Variants in SPAG7 observed in about 807,000 individuals in gnomAD.
SPAG7 encodes sperm-associated antigen 7.
Under a neutral mutation model 30.6 loss-of-function variants are expected in SPAG7, and 20 were observed. The observed-to-expected ratio is 0.65, with a 90% CI of 0.46 to 0.95. The LOEUF (loss-of-function observed/expected upper bound fraction) is 0.95. Ranked by LOEUF, SPAG7 falls within the 40% of genes least tolerant of loss-of-function variation. The pLI, the probability that SPAG7 is intolerant of heterozygous loss-of-function variation, is 0.00. For missense variants in SPAG7, 276 were observed against 291.1 expected (o/e 0.95, Z 0.38); for synonymous variants, 127 against 104.2 (o/e 1.22, Z -1.33).
In SPAG7 at chr17:4,960,079, AG is replaced by A; in HGVS notation, c.359del (p.Ser120PhefsTer19). On this transcript the variant is annotated frameshift_variant, in exon 5 of 7. Coordinates refer to ENST00000206020, the MANE Select transcript of SPAG7 (RefSeq NM_004890.3). LOFTEE classifies it high-confidence loss of function. ...GGTCCCATTCCTCTCCACGACGGTA[AG>A]AGTCTAGCTCTTCATCTGAGGGTGC... The part of the protein sequence containing the change: ...EFAPSDEELD[S>X]YRRGEEWDPQ... The A allele has an allele frequency of 2.5e-6, 4 of 1,614,176 alleles. No homozygotes were observed. The highest frequency in any genetic ancestry group is 3.4e-6 in the Non-Finnish European group (4 of 1,179,982).
At chr17:4,965,040 G>C (rs1414633948) in intron 1 of SPAG7, among the ~76,000 whole-genome samples, 1 of 152,174 alleles carries the variant, frequency 6.6e-6, no homozygotes, top group Non-Finnish European at 1.5e-5. Context: ...CTCCCGAGTA[G>C]CTGGGATCAC....
intron 1 of SPAG7, among the ~76,000 whole-genome samples, chr17:4,961,118 C>T (rs1456737362): frequency 1.3e-5 from 2 of 152,282 alleles, no homozygotes; most frequent in East Asian, 3.9e-4. Context: ...TCTATACATA[C>T]ATGCCTATGA....
chr17:4,959,753 G>A lies in SPAG7; in HGVS notation c.574+7C>T, dbSNP rs1251326090. On this transcript the variant is annotated splice_region_variant and intron_variant, in intron 6 of 6. Coordinates refer to ENST00000206020, the MANE Select transcript of SPAG7 (RefSeq NM_004890.3). ...CCCAGCCACCCCCAGCCGCACTGTG[G>A]CCTCACCACAGCCGTAGGTCTTATT... 12 of 1,614,066 alleles carry A rather than the reference G, an allele frequency of 7.4e-6. No homozygotes were observed. The highest frequency in any genetic ancestry group is 1.0e-5 in the Non-Finnish European group (12 of 1,180,048).
intron 4 of SPAG7, 26 bp downstream of exon 4, chr17:4,960,208 G>A (rs773898825): frequency 4.3e-6 from 7 of 1,609,512 alleles, no homozygotes; most frequent in South Asian, 1.1e-5. Context: ...GGGGAGAGGA[G>A]AGAATGAGGA....
chr17:4,960,987 A>G, intron 1 of SPAG7, 134 bp from the exon 2 acceptor site: 1 of 764,384 alleles, frequency 1.3e-6, no homozygotes, highest in Non-Finnish European at 2.2e-6. Flanking sequence ...TTATTCATCA[A>G]GCATTTATTG....
intron 1 of SPAG7, 113 bp downstream of exon 1, chr17:4,967,607 A>C: frequency 1.3e-6 from 1 of 799,938 alleles, no homozygotes; most frequent in Admixed American, 2.0e-5. Flanking sequence ...AGGGTCTCGG[A>C]AGGGGCCTGT....
At chr17:4,966,572 G>A (rs1971956244) in intron 1 of SPAG7, 1 of 984,592 alleles carries the variant, frequency 1.0e-6, no homozygotes, top group South Asian at 4.7e-5. Context: ...TGCCTGTAAC[G>A]CTTTGCTTCT....
rs778570409 is a variant in SPAG7, at chr17:4,959,616, C to G, written c.602G>C (p.Arg201Pro). 6.2e-7 allele frequency: 1 copy of G among 1,614,104 alleles called. No individual in the cohort carries two copies. Among genetic ancestry groups the G allele is most frequent in the South Asian group, 1.1e-5 (1 of 91,086 alleles). Residue 201 changes from arginine to proline, a missense_variant, in exon 7 of 7, where the codon CGC (arginine) becomes CCC (proline). Physicochemically the swap from Arg to Pro is moderately radical, Grantham distance 103. Coordinates refer to ENST00000206020, the MANE Select transcript of SPAG7 (RefSeq NM_004890.3). ...CVPVANKRDT[R>P]SIEEAMNEIR... ...CTCATTCATAGCCTCTTCAATGGAG[C>G]GTGTGTCCCTCTTATTGGCCACGGG...
intron 3 of SPAG7, 64 bp downstream of exon 3, chr17:4,960,395 C>A (rs577013710): frequency 1.4e-5 from 22 of 1,597,144 alleles, no homozygotes; most frequent in African/African-American, 1.2e-4. Flanking sequence ...AGGAGCCCCC[C>A]GCTGGCCCTT....
intron 1 of SPAG7, among the ~76,000 whole-genome samples, chr17:4,963,402 A>T (rs1161808665): frequency 2.0e-5 from 3 of 151,880 alleles, no homozygotes; most frequent in Non-Finnish European, 2.9e-5. Flanking sequence ...AAACAGACTA[A>T]GACCCTGGCC....
Position 4,960,859 on chromosome 17 carries a change from G to A in SPAG7, c.86-6C>T, listed in dbSNP as rs1567676248. 3.1e-6 allele frequency: 5 copies of A among 1,613,782 alleles called. No individual in the cohort carries two copies. Among genetic ancestry groups the A allele is most frequent in the South Asian group, 1.1e-5 (1 of 91,076 alleles). ...CTTCAGGCGGGCGGCCTGTTCTGGGGGTGAGAAATGGCAACATGAAGCCAG... is the reference window on the plus strand; with the variant it reads ...CTTCAGGCGGGCGGCCTGTTCTGGGAGTGAGAAATGGCAACATGAAGCCAG... On this transcript the variant is annotated splice_region_variant and splice_polypyrimidine_tract_variant and intron_variant, in intron 1 of 6. Coordinates refer to ENST00000206020, the MANE Select transcript of SPAG7 (RefSeq NM_004890.3).
At chr17:4,963,434 T>A (rs1218815042) in intron 1 of SPAG7, among the ~76,000 whole-genome samples, 1 of 151,382 alleles carries the variant, frequency 6.6e-6, no homozygotes, top group Non-Finnish European at 1.5e-5. Context: ...GTCATCTCGT[T>A]TACACAGGAA....
chr17:4,963,078 C>A (rs1971890652), intron 1 of SPAG7, among the ~76,000 whole-genome samples: 1 of 151,232 alleles, frequency 6.6e-6, no homozygotes, highest in Admixed American at 6.6e-5. Flanking sequence ...ATAGTTAGTT[C>A]TTTGTACATT....
intron 1 of SPAG7, 70 bp downstream of exon 1, chr17:4,967,650 G>A (rs553834499): frequency 2.4e-5 from 29 of 1,230,056 alleles, no homozygotes; most frequent in South Asian, 2.2e-4. Context: ...AGGCGGCATC[G>A]TCCAAAGAGG....
rs192383889 is a variant in SPAG7, at chr17:4,961,603, A to T, written c.86-750T>A. Among the ~76,000 whole-genome samples, 120 of 149,444 alleles carry T rather than the reference A, an allele frequency of 8.0e-4. No homozygotes were observed. The East Asian group carries it at 0.011, about 14-fold the overall frequency. ...ACCCTGTCTCTACTAAAAAAAAAAA[A>T]ATATACAAAAAATTAGCTGGGTGTG... On this transcript the variant is annotated intron_variant, in intron 1 of 6. Coordinates refer to ENST00000206020, the MANE Select transcript of SPAG7 (RefSeq NM_004890.3).
chr17:4,964,025 C>G (rs992855002), intron 1 of SPAG7, among the ~76,000 whole-genome samples: 2 of 152,076 alleles, frequency 1.3e-5, no homozygotes, highest in Admixed American at 1.3e-4. Flanking sequence ...ACTCAAGCTT[C>G]TCAAGCAATT....
rs553811133 is a variant in SPAG7, at chr17:4,966,825, C to G, written c.85+895G>C. ...GGACGAAGCGTAGGCAACCAGCGGC[C>G]CTTGAATACTTGGAAGGCGTCCTGC... On this transcript the variant is annotated intron_variant, in intron 1 of 6. Transcript: ENST00000206020. The G allele has an allele frequency of 1.2e-5, 12 of 985,484 alleles. No homozygotes were observed. In the African/African-American group the frequency reaches 2.1e-4, roughly 17 times the overall value. 61.0% of individuals were successfully genotyped at this position (985,484 alleles called of 1,614,324 possible). A position where few individuals can be genotyped will look rare whatever the true frequency, so the allele number is the denominator to read the frequency against.
chr17:4,965,812 C>T (rs1476115417), intron 1 of SPAG7: 1 of 144,972 alleles, frequency 6.9e-6, no homozygotes, highest in African/African-American at 2.5e-5. Flanking sequence ...AGCGCGCCAC[C>T]AAGCCCAGCT....
Position 4,960,275 on chromosome 17 carries a change from C to T in SPAG7, c.286G>A (p.Gly96Arg). The change falls in exon 4 of 7, where the codon GGG becomes AGG. Residue 96 changes from glycine (G) to arginine (R), a missense_variant. Coordinates refer to ENST00000206020, the MANE Select transcript of SPAG7 (RefSeq NM_004890.3). The part of the protein sequence containing the change: ...EVAGLTSFSF[G>R]EDDDCRYVMI... ...ACATAGCGACAGTCATCATCTTCCC[C>T]AAAGGAGAAGGATGTCAGGCCAGCC... The T allele has an allele frequency of 6.2e-7, 1 of 1,614,182 alleles. No homozygotes were observed. The highest frequency in any genetic ancestry group is 8.5e-7 in the Non-Finnish European group (1 of 1,180,028).
Sources: allele counts gnomAD v4.1 joint callset (sites outside exome capture counted in the v4.1 genomes callset), GRCh38; gene constraint gnomAD v4.1.1; transcripts MANE v1.5; gene names NCBI Gene and HGNC (gene_info 2026-07-23, HGNC 2026-07-21).